The following DCC variants were observed in gnomAD, a reference collection of about 807,000 sequenced individuals.
The protein encoded by DCC is netrin receptor DCC.
DCC carries 58 observed loss-of-function variants against 172.5 expected under a neutral mutation model. The observed-to-expected ratio is 0.34, with a 90% CI of 0.27 to 0.42. The LOEUF (loss-of-function observed/expected upper bound fraction) is 0.42, where lower values mean the gene tolerates loss of function less well. Ranked by LOEUF, DCC falls within the 10% of genes least tolerant of loss-of-function variation. DCC has a pLI of 1.00. For missense variants in DCC, 1,740 were observed against 1,791.0 expected (o/e 0.97, Z 0.51); for synonymous variants, 709 against 644.5 (o/e 1.10, Z -1.52).
At position 53,056,513 on chromosome 18, in the gene DCC, G is replaced by A. The variant is rs150718788; in HGVS notation, c.986-6792G>A. On this transcript the variant is annotated intron_variant, in intron 5 of 28. Transcript: ENST00000442544. Reference sequence around the variant, plus strand: ...ATGGCTCCTTAAAGTGAAATTATCTGTTTATACTATTTTGATACTGCACTT... The same window carrying A: ...ATGGCTCCTTAAAGTGAAATTATCTATTTATACTATTTTGATACTGCACTT... Among the ~76,000 whole-genome samples the A allele has an allele frequency of 2.0e-3, 309 of 152,218 alleles. 2 individuals carry two copies. The highest frequency in any genetic ancestry group is 7.0e-3 in the African/African-American group (292 of 41,540).
At chr18:53,186,712 C>G (rs1225769414) in intron 9 of DCC, among the ~76,000 whole-genome samples, 2 of 152,164 alleles carry the variant, frequency 1.3e-5, no homozygotes, top group African/African-American at 4.8e-5. Context: ...AAGTTTCTTT[C>G]TTTGTCTGTT....
intron 16 of DCC, among the ~76,000 whole-genome samples, chr18:53,391,145 G>C (rs1158887170): frequency 6.9e-6 from 1 of 144,018 alleles, no homozygotes. Context: ...TGTGTTTGCA[G>C]ATATAAGCTA....
chr18:53,427,932 AAT>A (rs1354174198), intron 21 of DCC, among the ~76,000 whole-genome samples: 4 of 34,000 alleles, frequency 1.2e-4, no homozygotes, highest in Non-Finnish European at 3.4e-4. Flanking sequence ...TATATAATAT[AAT>A]ATAATATATT....
chr18:53,132,450 C>T (rs147421696), intron 7 of DCC, among the ~76,000 whole-genome samples: 50 of 152,216 alleles, frequency 3.3e-4, no homozygotes, highest in Non-Finnish European at 6.2e-4. Flanking sequence ...TGCTGATCCA[C>T]GCTTAAGTCC....
intron 9 of DCC, among the ~76,000 whole-genome samples, chr18:53,179,675 G>A (rs2055165668): frequency 6.6e-6 from 1 of 151,948 alleles, no homozygotes; most frequent in Non-Finnish European, 1.5e-5. Flanking sequence ...TTTTCACAAA[G>A]TAGAGCAGCT....
intron 1 of DCC, among the ~76,000 whole-genome samples, chr18:52,359,420 A>C (rs1984521904): frequency 6.6e-6 from 1 of 152,104 alleles, no homozygotes; most frequent in Non-Finnish European, 1.5e-5. Flanking sequence ...CAAAGACTCG[A>C]TTTCTCAGGC....
rs572703022 is a variant in DCC at position 52,550,774 on chromosome 18, C to A, written c.92-201280C>A. 2.0e-5 allele frequency among the ~76,000 whole-genome samples: 3 copies of A among 152,212 alleles called. No homozygotes were observed. In the South Asian group the frequency reaches 6.2e-4, roughly 32 times the overall value. The stretch of plus-strand genomic sequence containing the variant: ...CCTCTATTAGGAATAGTAATTCATG[C>A]TGCAAAGTGTGTAACAGATGCACTA... On this transcript the variant is annotated intron_variant, in intron 1 of 28. Transcript: ENST00000442544.
chr18:52,899,455 G>A (rs1457376969), intron 2 of DCC, among the ~76,000 whole-genome samples: 1 of 141,570 alleles, frequency 7.1e-6, no homozygotes, highest in East Asian at 2.1e-4. Flanking sequence ...CTGGGTTCAA[G>A]TGATTCTCCT....
intron 7 of DCC, among the ~76,000 whole-genome samples, chr18:53,071,690 G>T (rs2042653227): frequency 6.6e-6 from 1 of 152,170 alleles, no homozygotes; most frequent in South Asian, 2.1e-4. Flanking sequence ...CCTTAGATCT[G>T]GGGACAGAGT....
At chr18:52,719,647 A>T (rs2036442369) in intron 1 of DCC, among the ~76,000 whole-genome samples, 1 of 152,130 alleles carries the variant, frequency 6.6e-6, no homozygotes, top group African/African-American at 2.4e-5. Flanking sequence ...ATTGAAAAAT[A>T]CAGTGCGGCA....
intron 12 of DCC, among the ~76,000 whole-genome samples, chr18:53,256,494 G>C (rs35202596): frequency 0.036 from 5,423 of 151,836 alleles, 339 homozygotes; most frequent in African/African-American, 0.12. Context: ...TCTTGTTTTT[G>C]TCAGGTTTGT....
chr18:53,466,111 T>G (rs2045618010), intron 24 of DCC, among the ~76,000 whole-genome samples: 1 of 152,146 alleles, frequency 6.6e-6, no homozygotes, highest in African/African-American at 2.4e-5. Flanking sequence ...TTAGTTTATT[T>G]TGTTTTTAGA....
rs574660969 is a variant in DCC, at chr18:53,482,925, T to C, written c.3737-3872T>C. Reference sequence around the variant, plus strand: ...GTGTTCAACTACATTATTATTATCATTATTATTATATTAACTATATACCCC... The same window carrying C: ...GTGTTCAACTACATTATTATTATCACTATTATTATATTAACTATATACCCC... On this transcript the variant is annotated intron_variant, in intron 25 of 28. Coordinates refer to ENST00000442544, the MANE Select transcript of DCC (RefSeq NM_005215.4). 2.6e-5 allele frequency among the ~76,000 whole-genome samples: 4 copies of C among 152,040 alleles called. No individual in the cohort carries two copies. In the South Asian group the frequency reaches 8.3e-4, roughly 32 times the overall value.
rs367883098 is a variant in DCC at position 53,063,309 on chromosome 18, G to A, written c.990G>A (p.Pro330=). 1.4e-5 allele frequency: 22 copies of A among 1,612,148 alleles called. No individual in the cohort carries two copies. The highest frequency in any genetic ancestry group is 8.0e-5 in the African/African-American group (6 of 74,590). The change falls in exon 6 of 29, where the codon CCG becomes CCA. Residue 330 remains proline, a synonymous_variant. Coordinates refer to ENST00000442544, the MANE Select transcript of DCC (RefSeq NM_005215.4). ...TTTTTTTTTCTGTCTTTGCAGTTCC[G>A]CCATGGTTTTTAAATCATCCTTCCA... ...SASAELTVLV[P]PWFLNHPSNL...
At chr18:53,375,653 A>G (rs1250448784) in intron 15 of DCC, among the ~76,000 whole-genome samples, 1 of 151,152 alleles carries the variant, frequency 6.6e-6, no homozygotes, top group East Asian at 1.9e-4. Flanking sequence ...GTGAACAAAA[A>G]GAGGAAAACC....
chr18:53,351,077 T>C (rs951552374), intron 15 of DCC, among the ~76,000 whole-genome samples: 4 of 150,886 alleles, frequency 2.7e-5, no homozygotes, highest in African/African-American at 9.7e-5. Flanking sequence ...TTTCAAGAAG[T>C]CTTTAAGGAT....
intron 1 of DCC, among the ~76,000 whole-genome samples, chr18:52,508,068 C>G (rs1158869120): frequency 6.6e-6 from 1 of 151,580 alleles, no homozygotes; most frequent in East Asian, 1.9e-4. Flanking sequence ...CCACTGCACT[C>G]CAGCCTGGGT....
At chr18:52,432,005 G>A (rs1001585139) in intron 1 of DCC, among the ~76,000 whole-genome samples, 3 of 152,140 alleles carry the variant, frequency 2.0e-5, no homozygotes, top group Non-Finnish European at 4.4e-5. Flanking sequence ...TCCCTCTGCT[G>A]ATTCTTCTTC....
intron 2 of DCC, among the ~76,000 whole-genome samples, chr18:52,837,836 A>C (rs1197809975): frequency 6.6e-6 from 1 of 152,178 alleles, no homozygotes; most frequent in African/African-American, 2.4e-5. Context: ...GTAATTTACA[A>C]AGGAAAGAGA....
Sources: allele counts gnomAD v4.1 joint callset (sites outside exome capture counted in the v4.1 genomes callset), GRCh38; gene constraint gnomAD v4.1.1; transcripts MANE v1.5; gene names NCBI Gene and HGNC (gene_info 2026-07-23, HGNC 2026-07-21).